The following ADGRL3 variants were observed in gnomAD, a reference collection of about 807,000 sequenced individuals.
ADGRL3 encodes calcium-independent alpha-latrotoxin receptor 3.
Under a neutral mutation model 153.5 loss-of-function variants are expected in ADGRL3, and 62 were observed. The observed-to-expected ratio is 0.40, with a 90% CI of 0.33 to 0.50. The LOEUF is 0.50. ADGRL3 is among the 20% of genes least tolerant of loss of function. The pLI is 0.47. For missense variants in ADGRL3, 1,641 were observed against 1,859.4 expected (o/e 0.88, Z 2.16); for synonymous variants, 710 against 672.5 (o/e 1.06, Z -0.86).
chr4:62,037,589 TA>T (rs1401320995), intron 23 of ADGRL3, 141 bp from the exon 24 acceptor site: 1 of 930,600 alleles, frequency 1.1e-6, no homozygotes, highest in Non-Finnish European at 1.6e-6. Flanking sequence ...TATTGTAAAA[TA>T]TATGCTGAAC....
intron 4 of ADGRL3, among the ~76,000 whole-genome samples, chr4:61,535,837 C>G (rs371728971): frequency 5.9e-5 from 9 of 151,934 alleles, no homozygotes; most frequent in African/African-American, 1.9e-4. Context: ...TTTTGTTCAT[C>G]CTTTCAAATA....
At chr4:61,238,482 C>T (rs993412155) in intron 1 of ADGRL3, among the ~76,000 whole-genome samples, 2 of 146,850 alleles carry the variant, frequency 1.4e-5, no homozygotes, top group Admixed American at 6.8e-5. Context: ...TGTGTATGCA[C>T]GTGTGTATTT....
chr4:61,530,596 A>G lies in ADGRL3; in HGVS notation c.259+13078A>G, dbSNP rs147437752. Among the ~76,000 whole-genome samples, 449 of 152,188 alleles carry G rather than the reference A, an allele frequency of 3.0e-3. 2 individuals carry two copies. The highest frequency in any genetic ancestry group is 0.01 in the African/African-American group (421 of 41,526). On this transcript the variant is annotated intron_variant, in intron 4 of 26. Coordinates refer to ENST00000683033, the MANE Select transcript of ADGRL3 (RefSeq NM_001387552.1). ...TCCAGTTCTGAGGGGGTGGGATAAT[A>G]TGTTAATTCATTATTTAAGTTTCCC...
chr4:61,263,289 TA>T (rs145210549), intron 1 of ADGRL3, among the ~76,000 whole-genome samples: 2 of 151,638 alleles, frequency 1.3e-5, no homozygotes, highest in African/African-American at 2.4e-5. Context: ...GTTTTGTGGT[TA>T]AAAAAAACCT....
chr4:61,452,863 T>G (rs1249956276), intron 2 of ADGRL3, among the ~76,000 whole-genome samples: 1 of 152,146 alleles, frequency 6.6e-6, no homozygotes, highest in East Asian at 1.9e-4. Context: ...GCTTGGTAAT[T>G]CATGAATGAT....
chr4:61,846,889 C>T (rs912357006), intron 9 of ADGRL3, among the ~76,000 whole-genome samples: 4 of 150,536 alleles, frequency 2.7e-5, no homozygotes, highest in Non-Finnish European at 4.4e-5. Context: ...ATGACGAGAT[C>T]TCATAAGAAC....
At chr4:61,571,725 G>C (rs969729149) in intron 4 of ADGRL3, among the ~76,000 whole-genome samples, 1 of 152,090 alleles carries the variant, frequency 6.6e-6, no homozygotes, top group African/African-American at 2.4e-5. Context: ...ACTAGAAATA[G>C]AACATTGACT....
chr4:61,612,737 G>C lies in ADGRL3; in HGVS notation c.473+25297G>C, dbSNP rs112526261. Among the ~76,000 whole-genome samples the C allele has an allele frequency of 3.1e-4, 47 of 152,194 alleles. 2 individuals carry two copies. Among genetic ancestry groups the C allele is most frequent in the African/African-American group, 1.1e-3 (46 of 41,542 alleles). ...TTTGCAACCTAGTATGCAGAATAAA[G>C]GGCCATTTATAGGTTTTATTACTCT... On this transcript the variant is annotated intron_variant, in intron 5 of 26. Coordinates refer to ENST00000683033, the MANE Select transcript of ADGRL3 (RefSeq NM_001387552.1).
intron 1 of ADGRL3, among the ~76,000 whole-genome samples, chr4:61,300,529 T>A (rs960806587): frequency 1.3e-5 from 2 of 152,088 alleles, no homozygotes; most frequent in African/African-American, 4.8e-5. Flanking sequence ...AGGAAAGCAG[T>A]TAAAGTGAGA....
intron 4 of ADGRL3, among the ~76,000 whole-genome samples, chr4:61,558,658 CCTGT>C (rs890816579): frequency 1.5e-4 from 23 of 151,922 alleles, no homozygotes; most frequent in South Asian, 2.1e-4. Context: ...TGCCTGCCTG[CCTGT>C]CTATGTGTCT....
intron 8 of ADGRL3, among the ~76,000 whole-genome samples, chr4:61,770,013 C>G (rs2152298146): frequency 6.6e-6 from 1 of 152,280 alleles, no homozygotes; most frequent in Non-Finnish European, 1.5e-5. Flanking sequence ...GGCTTGGGCT[C>G]AGAGGCCTGA....
intron 2 of ADGRL3, among the ~76,000 whole-genome samples, chr4:61,425,900 C>A (rs148587717): frequency 6.6e-6 from 1 of 152,308 alleles, no homozygotes; most frequent in East Asian, 1.9e-4. Context: ...TGTTATCCTG[C>A]CTTTAGGTGC....
intron 3 of ADGRL3, among the ~76,000 whole-genome samples, chr4:61,515,394 A>C (rs1560765590): frequency 6.6e-6 from 1 of 152,122 alleles, no homozygotes; most frequent in Non-Finnish European, 1.5e-5. Flanking sequence ...ACCTTTACAT[A>C]ATACTCTATT....
chr4:61,275,524 G>T (rs1212513833), intron 1 of ADGRL3, among the ~76,000 whole-genome samples: 1 of 152,142 alleles, frequency 6.6e-6, no homozygotes, highest in African/African-American at 2.4e-5. Flanking sequence ...TGGGCGTCTG[G>T]TTTTTCTGTT....
At chr4:61,364,342 AAAAATAAT>A (rs1281731987) in intron 1 of ADGRL3, among the ~76,000 whole-genome samples, 1 of 148,016 alleles carries the variant, frequency 6.8e-6, no homozygotes, top group Admixed American at 6.8e-5. Flanking sequence ...AAAAAAAAAA[AAAAATAAT>A]AATAATAATA....
At chr4:61,310,544 C>T (rs570471467) in intron 1 of ADGRL3, among the ~76,000 whole-genome samples, 3 of 152,124 alleles carry the variant, frequency 2.0e-5, no homozygotes, top group African/African-American at 7.2e-5. Context: ...TGCTTTGGTG[C>T]GTTCAAAGAG....
intron 9 of ADGRL3, among the ~76,000 whole-genome samples, chr4:61,817,549 C>A (rs1005452976): frequency 6.6e-6 from 1 of 152,218 alleles, no homozygotes; most frequent in Non-Finnish European, 1.5e-5. Context: ...TGGAGAGAAG[C>A]TACCCACTTC....
chr4:61,527,031 T>C (rs1355553390), intron 4 of ADGRL3, among the ~76,000 whole-genome samples: 4 of 152,070 alleles, frequency 2.6e-5, no homozygotes, highest in African/African-American at 9.7e-5. Flanking sequence ...AAAAAGTAAG[T>C]TAACATTATT....
chr4:61,267,732 T>TA (rs2092936586), intron 1 of ADGRL3, among the ~76,000 whole-genome samples: 1 of 151,648 alleles, frequency 6.6e-6, no homozygotes, highest in African/African-American at 2.4e-5. Context: ...AGCCTCTCAA[T>TA]AAAAAGGCAG....
Sources: gnomAD v4.1 joint callset for allele counts (sites outside exome capture counted in the v4.1 genomes callset) on GRCh38, gnomAD v4.1.1 for gene constraint, MANE v1.5 for transcripts, NCBI Gene and HGNC (gene_info 2026-07-23, HGNC 2026-07-21) for gene names.